BDH2: variants seen among roughly 807,000 people sequenced by gnomAD.
BDH2 encodes the protein dehydrogenase/reductase SDR family member 6.
Under a neutral mutation model 33.2 loss-of-function variants are expected in BDH2, and 24 were observed. The observed-to-expected ratio is 0.72, with a 90% CI of 0.52 to 1.02. BDH2 has a LOEUF of 1.02. Ranked by LOEUF, BDH2 falls within the 50% of genes least tolerant of loss-of-function variation. The pLI is 0.00. For synonymous variants in BDH2, 81 were observed against 101.6 expected (o/e 0.80, Z 1.22); for missense variants, 249 against 301.6 (o/e 0.83, Z 1.29).
At chr4:103,099,496 T>G (rs1748550820) in intron 1 of BDH2, 1 of 152,180 alleles carries the variant, frequency 6.6e-6, no homozygotes, top group Non-Finnish European at 1.5e-5. Flanking sequence ...AAATGTTGAT[T>G]TTTGATTAGC....
intron 1 of BDH2, among the ~76,000 whole-genome samples, chr4:103,097,997 A>G (rs1015861392): frequency 2.6e-5 from 4 of 151,522 alleles, no homozygotes; most frequent in Non-Finnish European, 5.9e-5. Context: ...TCAAACCTCC[A>G]CACTTGGTCC....
intron 1 of BDH2, chr4:103,097,580 T>A (rs979458725): frequency 1.3e-5 from 2 of 152,128 alleles, no homozygotes; most frequent in Non-Finnish European, 1.5e-5. Flanking sequence ...ATATCCACAT[T>A]TCAGGCAAAA....
At chr4:103,095,852 GAC>G (rs1224640557) in intron 2 of BDH2, among the ~76,000 whole-genome samples, 1 of 152,110 alleles carries the variant, frequency 6.6e-6, no homozygotes, top group African/African-American at 2.4e-5. Context: ...TATCTAAACT[GAC>G]ACAATTTCAG....
intron 5 of BDH2, among the ~76,000 whole-genome samples, chr4:103,088,368 A>G (rs1027111113): frequency 2.0e-5 from 3 of 152,236 alleles, no homozygotes; most frequent in Admixed American, 2.0e-4. Flanking sequence ...CTAGAAATGC[A>G]ATATTATCTC....
chr4:103,093,032 G>A (rs1748189738), intron 3 of BDH2, among the ~76,000 whole-genome samples: 1 of 152,032 alleles, frequency 6.6e-6, no homozygotes, highest in African/African-American at 2.4e-5. Flanking sequence ...ACTGAAAATG[G>A]GCTCATTTGA....
At chr4:103,095,624 T>C (rs3796982) in intron 2 of BDH2, among the ~76,000 whole-genome samples, 19,870 of 152,226 alleles carry the variant, frequency 0.13, 1,526 homozygotes, top group South Asian at 0.27. Context: ...TTTGAGTTAC[T>C]AAACTCCAAA....
At chr4:103,081,085 C>T (rs1747502365) in intron 9 of BDH2, among the ~76,000 whole-genome samples, 1 of 152,206 alleles carries the variant, frequency 6.6e-6, no homozygotes, top group Non-Finnish European at 1.5e-5. Context: ...TCTTCTCACA[C>T]ATTACAGTTC....
rs192907753 is a variant in BDH2, at chr4:103,078,892, G to T, written c.*810C>A. 6.6e-6 allele frequency among the ~76,000 whole-genome samples: 1 copy of T among 152,148 alleles called. No homozygotes were observed. Among genetic ancestry groups the T allele is most frequent in the East Asian group, 1.9e-4 (1 of 5,166 alleles). On this transcript the variant is annotated 3_prime_UTR_variant, in exon 10 of 10. Transcript: ENST00000296424. Reference sequence around the variant, plus strand: ...TGCCTTAGCCTCTGTTAACCATGCTGGTCCTGAACTCCTGGCCGCAAGTGA... The same window carrying T: ...TGCCTTAGCCTCTGTTAACCATGCTTGTCCTGAACTCCTGGCCGCAAGTGA...
At chr4:103,083,572 G>A (rs925703316) in intron 7 of BDH2, among the ~76,000 whole-genome samples, 1 of 151,990 alleles carries the variant, frequency 6.6e-6, no homozygotes, top group Non-Finnish European at 1.5e-5. Flanking sequence ...TAAGAACAAC[G>A]CTAACATTTT....
intron 6 of BDH2, chr4:103,086,196 T>C: frequency 8.3e-7 from 1 of 1,199,700 alleles, no homozygotes. Flanking sequence ...ATTAATTAAA[T>C]GTTAAATGGT....
intron 3 of BDH2, among the ~76,000 whole-genome samples, chr4:103,094,345 C>T (rs771166756): frequency 6.6e-6 from 1 of 152,112 alleles, no homozygotes; most frequent in African/African-American, 2.4e-5. Context: ...ACTTAATATA[C>T]AGTACAGTGA....
chr4:103,083,074 C>G (rs1205387063), intron 7 of BDH2, 145 bp from the exon 8 acceptor site: 3 of 699,724 alleles, frequency 4.3e-6, no homozygotes, highest in Non-Finnish European at 7.6e-6. Flanking sequence ...CCTGAGGCCT[C>G]TTATTTAATA....
chr4:103,086,555 C>CA lies in BDH2; in HGVS notation c.358-16dup. ...TGAGCAAGCATCTGCCAAAACAAAA[C>CA]AAATACAAAAAAAAAAAAATCCACT... is the stretch of plus-strand genomic sequence containing the variant. On this transcript the variant is annotated splice_polypyrimidine_tract_variant and intron_variant, in intron 5 of 9. Coordinates refer to ENST00000296424, the MANE Select transcript of BDH2 (RefSeq NM_020139.4). 3 of 1,538,412 alleles carry CA rather than the reference C, an allele frequency of 2.0e-6. No individual in the cohort carries two copies. Among genetic ancestry groups the CA allele is most frequent in the Admixed American group, 2.1e-5 (1 of 48,184 alleles).
rs1227627332 is a variant in BDH2 at position 103,079,340 on chromosome 4, A to C, written c.*362T>G. On this transcript the variant is annotated 3_prime_UTR_variant, in exon 10 of 10. Transcript: ENST00000296424. ...ATATCTGCTGGCACCTTTATCTTGC[A>C]CTTCCTAGCCTCCAGACTGAAAAAT... 8 of 179,640 alleles carry C rather than the reference A, an allele frequency of 4.5e-5. No homozygotes were observed. Among genetic ancestry groups the C allele is most frequent in the Non-Finnish European group, 3.5e-5 (3 of 85,758 alleles). The allele number at this position is 179,640 out of a possible 1,614,324, so 11.1% of individuals were successfully genotyped here. A position where few individuals can be genotyped will look rare whatever the true frequency, so the allele number is the denominator to read the frequency against.
chr4:103,095,392 C>G (rs1239694161), intron 2 of BDH2, 111 bp from the exon 3 acceptor site: 9 of 778,008 alleles, frequency 1.2e-5, no homozygotes, highest in Non-Finnish European at 1.9e-5. Flanking sequence ...TTGTTCTTTT[C>G]CCTATAAGAT....
At chr4:103,095,096 G>T in intron 3 of BDH2, 107 bp downstream of exon 3, 2 of 786,394 alleles carry the variant, frequency 2.5e-6, no homozygotes, top group Non-Finnish European at 4.2e-6. Context: ...TAAAAAGCAC[G>T]GCAGTGGAGC....
rs892385040 is a variant in BDH2 at position 103,096,184 on chromosome 4, A to G, written c.71T>C (p.Leu24Ser). 5 of 1,610,890 alleles carry G rather than the reference A, an allele frequency of 3.1e-6. No homozygotes were observed. In the African/African-American group the frequency reaches 4.0e-5, roughly 13 times the overall value. Residue 24 changes from leucine to serine, a missense_variant and splice_region_variant, in exon 2 of 10, where the codon TTA becomes TCA. Coordinates refer to ENST00000296424, the MANE Select transcript of BDH2 (RefSeq NM_020139.4). ...CAAAGATAGTAACTTATAACTTACT[A>G]AGGCAGCTGCTTGGCCAATCCCCTG... The part of the protein sequence containing the change: ...AAQGIGQAAA[L>S]AFAREGAKVI...
chr4:103,097,019 T>TG (rs1748442330), intron 1 of BDH2, among the ~76,000 whole-genome samples: 2 of 152,192 alleles, frequency 1.3e-5, no homozygotes. Context: ...CATAAACTTT[T>TG]GTTGAGGTTT....
intron 6 of BDH2, chr4:103,085,932 C>T: frequency 8.5e-7 from 1 of 1,182,150 alleles, no homozygotes; most frequent in Non-Finnish European, 1.1e-6. Flanking sequence ...CAGATTGTGA[C>T]ATAATCCACA....
Sources: gnomAD v4.1 joint callset for allele counts (sites outside exome capture counted in the v4.1 genomes callset) on GRCh38, gnomAD v4.1.1 for gene constraint, MANE v1.5 for transcripts, NCBI Gene and HGNC (gene_info 2026-07-23, HGNC 2026-07-21) for gene names.